RAB29: variants seen among roughly 807,000 people sequenced by gnomAD.
RAB29 encodes ras-related protein Rab-29.
In RAB29, 13 loss-of-function variants were observed where a neutral mutation model predicts 25.5. The observed-to-expected ratio is 0.51, with a 90% CI of 0.33 to 0.81. RAB29 has a LOEUF of 0.81. Among genes scored for constraint, RAB29 ranks in the 30% least tolerant of loss-of-function variants. The pLI is 0.02. For missense variants in RAB29, 201 were observed against 254.9 expected (o/e 0.79, Z 1.44); for synonymous variants, 88 against 95.0 (o/e 0.93, Z 0.43).
intron 1 of RAB29, 34 bp downstream of exon 1, chr1:205,775,239 G>C (rs1428694655): frequency 2.7e-6 from 1 of 374,580 alleles, no homozygotes; most frequent in Non-Finnish European, 4.9e-6. Flanking sequence ...TGACTGCCGA[G>C]AAACTGGACC....
chr1:205,775,180 CG>C (rs1655259133), intron 1 of RAB29, 92 bp downstream of exon 1: 2 of 514,684 alleles, frequency 3.9e-6, no homozygotes, highest in South Asian at 4.8e-5. Context: ...GCGCAGGGCG[CG>C]AGCTCCGAGC....
chr1:205,774,409 G>A (rs1036896042), intron 2 of RAB29, among the ~76,000 whole-genome samples: 4 of 152,182 alleles, frequency 2.6e-5, no homozygotes, highest in South Asian at 2.1e-4. Flanking sequence ...CAACAGAGGG[G>A]CAGGACTACA....
rs1031993564 is a variant in RAB29, at chr1:205,769,076, A to T, written c.*1266T>A. ...ATTTGATACTAAAAAGCCCTGCCCA[A>T]TTTAGTACTTAAATTACCTAATGAT... On this transcript the variant is annotated 3_prime_UTR_variant, in exon 6 of 6. Coordinates refer to ENST00000367139, the MANE Select transcript of RAB29 (RefSeq NM_003929.3). 21 of 152,226 alleles carry T rather than the reference A, an allele frequency of 1.4e-4. No individual in the cohort carries two copies. The highest frequency in any genetic ancestry group is 4.6e-4 in the African/African-American group (19 of 41,450). The allele number at this position is 152,226 out of a possible 1,614,324, so 9.4% of individuals were successfully genotyped here.
At position 205,768,502 on chromosome 1, in the gene RAB29, G is replaced by A. The variant is rs761631691; in HGVS notation, c.*1840C>T. On this transcript the variant is annotated 3_prime_UTR_variant, in exon 6 of 6. Coordinates refer to ENST00000367139, the MANE Select transcript of RAB29 (RefSeq NM_003929.3). Reference sequence around the variant, plus strand: ...ATCCCTAGAAATTCTGATTCAGTAGGTTTGAGGTCGGGACCCAAAAATCTT... The same window carrying A: ...ATCCCTAGAAATTCTGATTCAGTAGATTTGAGGTCGGGACCCAAAAATCTT... 4 of 150,708 alleles carry A rather than the reference G, an allele frequency of 2.7e-5. No individual in the cohort carries two copies. The highest frequency in any genetic ancestry group is 2.1e-4 in the South Asian group (1 of 4,740). 9.3% of individuals were successfully genotyped at this position (150,708 alleles called of 1,614,324 possible).
Position 205,771,502 on chromosome 1 carries a change from C to T in RAB29, c.348G>A (p.Glu116=). ...TGGCCAAGAGCAGGCAGGGCACCGGCTCTCCATTGGGTAGTGTGAGCTTGC... is the reference window on the plus strand; with the variant it reads ...TGGCCAAGAGCAGGCAGGGCACCGGTTCTCCATTGGGTAGTGTGAGCTTGC... ...LDSKLTLPNG[E]PVPCLLLANK... is the part of the protein sequence containing the mutation. Residue 116 remains glutamate, a synonymous_variant, in exon 4 of 6, where the codon GAG becomes GAA. Transcript: ENST00000367139. 1 of 1,614,188 alleles carries T rather than the reference C, an allele frequency of 6.2e-7. No homozygotes were observed. The highest frequency in any genetic ancestry group is 1.1e-5 in the South Asian group (1 of 91,078).
chr1:205,772,646 A>G (rs1416070295), intron 2 of RAB29, 79 bp from the exon 3 acceptor site: 2 of 1,317,404 alleles, frequency 1.5e-6, no homozygotes, highest in Admixed American at 3.4e-5. Flanking sequence ...TCAAATAGGC[A>G]GTGAAACCCT....
At chr1:205,772,652 A>G in intron 2 of RAB29, 85 bp from the exon 3 acceptor site, 2 of 1,228,322 alleles carry the variant, frequency 1.6e-6, no homozygotes, top group Non-Finnish European at 2.4e-6. Context: ...AGGCAGTGAA[A>G]CCCTATGGAC....
At chr1:205,770,968 G>C (rs1218964167) in intron 4 of RAB29, 114 bp from the exon 5 acceptor site, 1 of 1,334,130 alleles carries the variant, frequency 7.5e-7, no homozygotes, top group Non-Finnish European at 1.0e-6. Flanking sequence ...AAGAACACCA[G>C]CATCGGAAAT....
rs1325041847 is a variant in RAB29, at chr1:205,769,607, T to G, written c.*735A>C. ...TCACGCCTGGCTAATTTTTGTACTT[T>G]TAGTAGAGACGGGGTTTTGCCATGC... is the stretch of plus-strand genomic sequence containing the variant. On this transcript the variant is annotated 3_prime_UTR_variant, in exon 6 of 6. Transcript: ENST00000367139. The G allele has an allele frequency of 6.6e-6, 1 of 152,394 alleles. No homozygotes were observed. The highest frequency in any genetic ancestry group is 1.5e-5 in the Non-Finnish European group (1 of 68,254). 9.4% of individuals were successfully genotyped at this position (152,394 alleles called of 1,614,324 possible).
Position 205,770,815 on chromosome 1 carries a change from C to A in RAB29, c.418G>T (p.Asp140Tyr). 4 of 1,614,096 alleles carry A rather than the reference C, an allele frequency of 2.5e-6. No homozygotes were observed. In the South Asian group the frequency reaches 4.4e-5, roughly 18 times the overall value. ...AAACCGTTCTCTTTACTGAACCGGT[C>A]AATCTGGTCCCGGCTCACTGCCCAA... ...SPWAVSRDQI[D>Y]RFSKENGFTG... The change falls in exon 5 of 6, where the codon GAC becomes TAC. Residue 140 changes from aspartate to tyrosine, a missense_variant. Physicochemically the swap from Asp to Tyr is radical, Grantham distance 160. Transcript: ENST00000367139.
rs1261780931 is a variant in RAB29 at position 205,770,082 on chromosome 1, A to G, written c.*260T>C. 4.0e-6 allele frequency: 2 copies of G among 506,132 alleles called. No homozygotes were observed. The highest frequency in any genetic ancestry group is 7.1e-6 in the Non-Finnish European group (2 of 281,816). The allele number at this position is 506,132 out of a possible 1,614,324, so 31.4% of individuals were successfully genotyped here. ...CTTCTCATAAAATTCCGGATCACAA[A>G]TTGAGGGCTGATGAGAAGATCTTAC... On this transcript the variant is annotated 3_prime_UTR_variant, in exon 6 of 6. Transcript: ENST00000367139.
At position 205,769,169 on chromosome 1, in the gene RAB29, C is replaced by A. The variant is rs1654862407; in HGVS notation, c.*1173G>T. On this transcript the variant is annotated 3_prime_UTR_variant, in exon 6 of 6. Transcript: ENST00000367139. ...ATAATATGTTTCCTATGACTAAGTG[C>A]CTACGTGTTCACAAAGTTGCCCCAG... is the stretch of plus-strand genomic sequence containing the variant. The A allele has an allele frequency of 6.6e-6, 1 of 151,654 alleles. No homozygotes were observed. The highest frequency in any genetic ancestry group is 6.6e-5 in the Admixed American group (1 of 15,134). 9.4% of individuals were successfully genotyped at this position (151,654 alleles called of 1,614,324 possible).
intron 2 of RAB29, 71 bp from the exon 3 acceptor site, chr1:205,772,638 A>C (rs1655087844): frequency 7.1e-7 from 1 of 1,404,896 alleles, no homozygotes; most frequent in South Asian, 1.2e-5. Flanking sequence ...AACTCAAATC[A>C]AATAGGCAGT....
At chr1:205,772,630 C>T in intron 2 of RAB29, 63 bp from the exon 3 acceptor site, 4 of 1,469,484 alleles carry the variant, frequency 2.7e-6, no homozygotes, top group Non-Finnish European at 3.8e-6. Context: ...TAGGGATAAA[C>T]TCAAATCAAA....
At chr1:205,772,738 T>A (rs1353315509) in intron 2 of RAB29, among the ~76,000 whole-genome samples, 171 bp from the exon 3 acceptor site, 1 of 152,184 alleles carries the variant, frequency 6.6e-6, no homozygotes, top group East Asian at 1.9e-4. Context: ...GTATTTAGTG[T>A]GAGATGGATG....
At chr1:205,774,161 G>A (rs1395875918) in intron 2 of RAB29, among the ~76,000 whole-genome samples, 1 of 152,194 alleles carries the variant, frequency 6.6e-6, no homozygotes, top group Non-Finnish European at 1.5e-5. Context: ...TCAGAGAAGT[G>A]GTATATTTCA....
chr1:205,767,997 G>A lies in RAB29; in HGVS notation c.*2345C>T, dbSNP rs942581987. The A allele has an allele frequency of 3.9e-5, 6 of 152,140 alleles. No individual in the cohort carries two copies. The highest frequency in any genetic ancestry group is 1.4e-4 in the African/African-American group (6 of 41,436). 9.4% of individuals were successfully genotyped at this position (152,140 alleles called of 1,614,324 possible). On this transcript the variant is annotated 3_prime_UTR_variant, in exon 6 of 6. Transcript: ENST00000367139. Reference sequence around the variant, plus strand: ...ATAACCACCATGAATACAAGACTTAGTTCTCATTTATTTGTGATTTTGCAG... The same window carrying A: ...ATAACCACCATGAATACAAGACTTAATTCTCATTTATTTGTGATTTTGCAG...
chr1:205,770,819 C>A lies in RAB29; in HGVS notation c.414G>T (p.Gln138His). ...CGTTCTCTTTACTGAACCGGTCAAT[C>A]TGGTCCCGGCTCACTGCCCAAGGGG... Reference protein sequence around the residue: ...DLSPWAVSRDQIDRFSKENGF... With the variant: ...DLSPWAVSRDHIDRFSKENGF... Residue 138 changes from glutamine to histidine, a missense_variant, in exon 5 of 6, where the codon CAG becomes CAT. By Grantham distance (24) the Gln-to-His change is conservative. Coordinates refer to ENST00000367139, the MANE Select transcript of RAB29 (RefSeq NM_003929.3). The A allele has an allele frequency of 6.2e-7, 1 of 1,614,158 alleles. No homozygotes were observed.
In RAB29 at chr1:205,770,138, C is replaced by A; in HGVS notation, c.*204G>T. On this transcript the variant is annotated 3_prime_UTR_variant, in exon 6 of 6. Transcript: ENST00000367139. ...AGGCACTAACTGGCACTAATGTGAG[C>A]CAGCAACATGTGAAAGGCTAATCCA... is the stretch of plus-strand genomic sequence containing the variant. The A allele has an allele frequency of 1.7e-6, 1 of 598,594 alleles. No homozygotes were observed. Among genetic ancestry groups the A allele is most frequent in the South Asian group, 2.0e-5 (1 of 50,590 alleles). 37.1% of individuals were successfully genotyped at this position (598,594 alleles called of 1,614,324 possible). A position where few individuals can be genotyped will look rare whatever the true frequency, so the allele number is the denominator to read the frequency against.
Sources: gnomAD v4.1 joint callset for allele counts (sites outside exome capture counted in the v4.1 genomes callset) on GRCh38, gnomAD v4.1.1 for gene constraint, MANE v1.5 for transcripts, NCBI Gene and HGNC (gene_info 2026-07-23, HGNC 2026-07-21) for gene names.